WDR17: variants seen among roughly 807,000 people sequenced by gnomAD.
WDR17 encodes WD repeat-containing protein 17.
Under a neutral mutation model 161.7 loss-of-function variants are expected in WDR17, and 143 were observed. The observed-to-expected ratio is 0.88, with a 90% confidence interval of 0.77 to 1.02. The LOEUF (loss-of-function observed/expected upper bound fraction) is 1.02, where lower values mean the gene tolerates loss of function less well. WDR17 is among the 50% of genes least tolerant of loss of function. The probability of loss-of-function intolerance (pLI) is 0.00; values close to 1 mark genes in which losing one functional copy is unlikely to be tolerated. For synonymous variants in WDR17, 517 were observed against 515.6 expected, an observed-to-expected ratio of 1.00 and a Z score of -0.04; for missense variants, 1,469 against 1,520.9, an observed-to-expected ratio of 0.97 and a Z score of 0.57.
intron 17 of WDR17, among the ~76,000 whole-genome samples, chr4:176,154,747 A>G (rs1471499410): frequency 6.6e-6 from 1 of 152,176 alleles, no homozygotes; most frequent in Non-Finnish European, 1.5e-5. Flanking sequence ...AATTTAACGT[A>G]TTATTTTCTG....
intron 1 of WDR17, among the ~76,000 whole-genome samples, chr4:176,073,254 C>G (rs190051792): frequency 1.4e-4 from 21 of 152,286 alleles, no homozygotes; most frequent in Middle Eastern, 3.4e-3. Context: ...TCCCTCCCCT[C>G]TTCTCCCACC....
At chr4:176,137,447 C>A in intron 8 of WDR17, 73 bp from the exon 9 acceptor site, 2 of 1,255,828 alleles carry the variant, frequency 1.6e-6, no homozygotes, top group Non-Finnish European at 2.3e-6. Context: ...TACATTTTCA[C>A]AAGTTACATT....
At chr4:176,113,501 A>C (rs1338480977) in intron 2 of WDR17, among the ~76,000 whole-genome samples, 1 of 152,072 alleles carries the variant, frequency 6.6e-6, no homozygotes, top group Non-Finnish European at 1.5e-5. Flanking sequence ...TTAGAAGCTG[A>C]TGCAAATAAA....
chr4:176,129,490 AAT>A (rs1444911695), intron 6 of WDR17, among the ~76,000 whole-genome samples: 1 of 152,064 alleles, frequency 6.6e-6, no homozygotes, highest in Non-Finnish European at 1.5e-5. Context: ...ATTTTTTTCA[AAT>A]ATAAGGGAAA....
chr4:176,140,789 T>G (rs942735633), intron 10 of WDR17, among the ~76,000 whole-genome samples: 1 of 150,852 alleles, frequency 6.6e-6, no homozygotes, highest in African/African-American at 2.5e-5. Flanking sequence ...GAAGTTAAAA[T>G]TTTCAGAAAC....
chr4:176,141,255 T>TA (rs1421257546), intron 10 of WDR17, among the ~76,000 whole-genome samples: 4 of 152,174 alleles, frequency 2.6e-5, no homozygotes, highest in Non-Finnish European at 4.4e-5. Context: ...AATGAAAAGT[T>TA]ATAACTTAAT....
chr4:176,160,877 C>G, intron 19 of WDR17, 34 bp from the exon 20 acceptor site: 1 of 1,513,616 alleles, frequency 6.6e-7, no homozygotes, highest in Non-Finnish European at 9.0e-7. Flanking sequence ...CAACAATTAG[C>G]TAAAGAATAA....
At chr4:176,138,883 T>A (rs1303794833) in intron 9 of WDR17, among the ~76,000 whole-genome samples, 1 of 151,870 alleles carries the variant, frequency 6.6e-6, no homozygotes, top group Non-Finnish European at 1.5e-5. Flanking sequence ...AAATTAACAA[T>A]GCCAGCATTA....
chr4:176,069,916 T>C (rs1733008111), intron 1 of WDR17, among the ~76,000 whole-genome samples: 1 of 152,222 alleles, frequency 6.6e-6, no homozygotes, highest in South Asian at 2.1e-4. Context: ...TTTGATTCTT[T>C]AAGATAAAAC....
chr4:176,151,902 G>A lies in WDR17; in HGVS notation c.2395G>A (p.Ala799Thr), dbSNP rs1747186021. The change falls in exon 17 of 29, where the codon GCT (alanine) becomes ACT (threonine). Residue 799 changes from alanine (A) to threonine (T), a missense_variant. Coordinates refer to ENST00000508596, the MANE Select transcript of WDR17 (RefSeq NM_181265.4). ...PAKEERLKEAAEIHLRLGQIQ... is the reference protein window; with the variant it reads ...PAKEERLKEATEIHLRLGQIQ... ...TAAAGAGGAAAGACTGAAGGAAGCTGCTGAAATCCACTTGAGATTAGGACA... is the reference window on the plus strand; with the variant it reads ...TAAAGAGGAAAGACTGAAGGAAGCTACTGAAATCCACTTGAGATTAGGACA... 6.2e-7 allele frequency: 1 copy of A among 1,613,414 alleles called. No individual in the cohort carries two copies. The highest frequency in any genetic ancestry group is 8.5e-7 in the Non-Finnish European group (1 of 1,179,760).
intron 1 of WDR17, among the ~76,000 whole-genome samples, chr4:176,077,155 A>ATT (rs66817611): frequency 8.0e-6 from 1 of 125,432 alleles, no homozygotes; most frequent in African/African-American, 3.4e-5. Flanking sequence ...TTTTCTCCCA[A>ATT]TTTTTTTTTT....
In WDR17 at chr4:176,155,921, A is replaced by G. The variant is rs190496893; in HGVS notation, c.2461-158A>G. 9.2e-5 allele frequency among the ~76,000 whole-genome samples: 14 copies of G among 151,680 alleles called. No homozygotes were observed. In the East Asian group the frequency reaches 2.7e-3, roughly 29 times the overall value. Reference sequence around the variant, plus strand: ...CTCTTTAAAGATTTTTTTTAAGACTACGGAACAAAAAGAAGTCAGAAAGTA... The same window carrying G: ...CTCTTTAAAGATTTTTTTTAAGACTGCGGAACAAAAAGAAGTCAGAAAGTA... On this transcript the variant is annotated intron_variant, in intron 17 of 28. Coordinates refer to ENST00000508596, the MANE Select transcript of WDR17 (RefSeq NM_181265.4).
chr4:176,124,458 G>A (rs1251732415), intron 4 of WDR17, among the ~76,000 whole-genome samples: 1 of 152,152 alleles, frequency 6.6e-6, no homozygotes, highest in African/African-American at 2.4e-5. Context: ...CAAATGGTAA[G>A]ACGAATGAGA....
intron 13 of WDR17, among the ~76,000 whole-genome samples, chr4:176,148,659 C>T (rs185099757): frequency 6.6e-6 from 1 of 152,252 alleles, no homozygotes; most frequent in East Asian, 1.9e-4. Context: ...ACATGTATGG[C>T]TTTTGTTTTT....
intron 6 of WDR17, among the ~76,000 whole-genome samples, chr4:176,130,018 T>C (rs1262241032): frequency 1.3e-5 from 2 of 152,126 alleles, no homozygotes; most frequent in African/African-American, 4.8e-5. Context: ...AGTCAGAAAA[T>C]ACAAAGAATA....
chr4:176,086,787 A>G (rs1233681519), intron 1 of WDR17, among the ~76,000 whole-genome samples: 1 of 151,494 alleles, frequency 6.6e-6, no homozygotes, highest in African/African-American at 2.4e-5. Context: ...AACTGTTATA[A>G]TTTTATTTAT....
At chr4:176,150,360 G>A (rs1269917158) in intron 15 of WDR17, 108 bp from the exon 16 acceptor site, 1 of 1,466,018 alleles carries the variant, frequency 6.8e-7, no homozygotes, top group Non-Finnish European at 9.1e-7. Flanking sequence ...TAGTTATTTT[G>A]TTAATTTTTA....
intron 1 of WDR17, among the ~76,000 whole-genome samples, chr4:176,087,937 A>G (rs1735630117): frequency 6.6e-6 from 1 of 151,722 alleles, no homozygotes; most frequent in Non-Finnish European, 1.5e-5. Flanking sequence ...TTTGCCCCCC[A>G]GGTTCAAGCA....
intron 18 of WDR17, among the ~76,000 whole-genome samples, chr4:176,158,380 G>A (rs1269666937): frequency 6.6e-6 from 1 of 152,052 alleles, no homozygotes; most frequent in African/African-American, 2.4e-5. Flanking sequence ...GATGAGGAAG[G>A]TATAACATAA....
Sources: allele counts gnomAD v4.1 joint callset (sites outside exome capture counted in the v4.1 genomes callset), GRCh38; gene constraint gnomAD v4.1.1; transcripts MANE v1.5; gene names NCBI Gene and HGNC (gene_info 2026-07-23, HGNC 2026-07-21).